Variants in MOB2 observed in about 807,000 individuals in gnomAD.
The protein encoded by MOB2 is MOB2 Mps One Binder homolog.
A neutral mutation model predicts 27.4 loss-of-function variants in MOB2; 14 were observed. The ratio of observed to expected loss-of-function variants is 0.51; its 90% CI spans 0.34 to 0.80. MOB2 has a LOEUF of 0.80. Among genes scored for constraint, MOB2 ranks in the 30% least tolerant of loss-of-function variants. The pLI is 0.01. For synonymous variants in MOB2, 167 were observed against 151.8 expected (o/e 1.10, Z -0.74); for missense variants, 304 against 354.6 (o/e 0.86, Z 1.15).
chr11:1,480,558 G>A (rs1157998063), intron 2 of MOB2, 72 bp from the exon 3 acceptor site: 1 of 1,560,280 alleles, frequency 6.4e-7, no homozygotes, highest in Non-Finnish European at 8.8e-7. Context: ...CCTGCTTCCA[G>A]CAACAGGTGC....
chr11:1,484,550 C>G (rs1847950861), intron 1 of MOB2, among the ~76,000 whole-genome samples: 1 of 152,112 alleles, frequency 6.6e-6, no homozygotes. Flanking sequence ...GGTACAGAGC[C>G]TGGGTCTCAG....
intron 4 of MOB2, 59 bp downstream of exon 4, chr11:1,471,236 G>A (rs1014580142): frequency 1.2e-5 from 19 of 1,560,080 alleles, no homozygotes; most frequent in Admixed American, 1.8e-5. Flanking sequence ...TTGCAGACAC[G>A]TCCTGAATGC....
intron 1 of MOB2, among the ~76,000 whole-genome samples, chr11:1,486,153 C>G (rs1315814693): frequency 6.6e-6 from 1 of 152,246 alleles, no homozygotes; most frequent in East Asian, 1.9e-4. Flanking sequence ...TCGAGGACAC[C>G]AAGACCCGCT....
chr11:1,480,760 C>A lies in MOB2; in HGVS notation c.236G>T (p.Arg79Leu), dbSNP rs369650668. 6.2e-7 allele frequency: 1 copy of A among 1,606,138 alleles called. No homozygotes were observed. The highest frequency in any genetic ancestry group is 8.5e-7 in the Non-Finnish European group (1 of 1,176,838). ...CAGCCACTCGTTAAGGTCAATCTCG[C>A]GGGGCAGCACCACCAGCTCCTTGAA... Reference protein sequence around the residue: ...FQFKELVVLPREIDLNEWLAS... With the variant: ...FQFKELVVLPLEIDLNEWLAS... Residue 79 changes from arginine (R) to leucine (L), a missense_variant, in exon 2 of 5, where the codon CGC becomes CTC. Coordinates refer to ENST00000329957, the MANE Select transcript of MOB2 (RefSeq NM_001172223.3).
intron 3 of MOB2, among the ~76,000 whole-genome samples, chr11:1,479,733 C>T (rs1847888802): frequency 6.6e-6 from 1 of 152,238 alleles, no homozygotes; most frequent in Non-Finnish European, 1.5e-5. Context: ...GCACTGACAA[C>T]AACGGGACAT....
intron 1 of MOB2, chr11:1,481,664 TG>T (rs1242885040): frequency 6.7e-6 from 1 of 149,868 alleles, no homozygotes; most frequent in Non-Finnish European, 1.5e-5. Context: ...CGCAGGCCTC[TG>T]GGGGCAGTGC....
Position 1,469,808 on chromosome 11 carries a change from C to T in MOB2, c.*364G>A, listed in dbSNP as rs768040168. On this transcript the variant is annotated 3_prime_UTR_variant, in exon 5 of 5. Transcript: ENST00000329957. ...GACCCAGGTCTGCAAATCACACCCT[C>T]CCCCCACGAGTTCCTCCTTTGAGGC... 7.7e-6 allele frequency: 4 copies of T among 521,452 alleles called. No homozygotes were observed. Among genetic ancestry groups the T allele is most frequent in the East Asian group, 1.0e-4 (2 of 19,896 alleles). 32.3% of individuals were successfully genotyped at this position (521,452 alleles called of 1,614,324 possible). A position where few individuals can be genotyped will look rare whatever the true frequency, so the allele number is the denominator to read the frequency against.
intron 4 of MOB2, 105 bp downstream of exon 4, chr11:1,471,190 G>A (rs566001123): frequency 3.1e-5 from 44 of 1,434,662 alleles, no homozygotes; most frequent in African/African-American, 2.4e-4. Flanking sequence ...GCCGCCCTCC[G>A]TGCCTCTGCC....
At position 1,480,696 on chromosome 11, in the gene MOB2, AGGGGGCCCGCCCCCAGGCCCCC is replaced by A. The variant is rs1847901734; in HGVS notation, c.271+7_271+28del. On this transcript the variant is annotated splice_region_variant and intron_variant, in intron 2 of 4. Coordinates refer to ENST00000329957, the MANE Select transcript of MOB2 (RefSeq NM_001172223.3). ...CTTCGAGGAGGAGCAGGGAGGAGGG[AGGGGGCCCGCCCCCAGGCCCCC>A]GCGCACTGTTGCTGGCCAGCCACTC... is the stretch of plus-strand genomic sequence containing the variant. 2 of 1,591,814 alleles carry A rather than the reference AGGGGGCCCGCCCCCAGGCCCCC, an allele frequency of 1.3e-6. No homozygotes were observed. Among genetic ancestry groups the A allele is most frequent in the African/African-American group, 2.7e-5 (2 of 74,628 alleles).
In MOB2 at chr11:1,480,867, A is replaced by G. The variant is rs10767696; in HGVS notation, c.129T>C (p.Pro43=). ...CCTCCGCAGCGGGCTTCTTGCCATT[A>G]GGCTTGGCTTTGGACTTCCTGCCAA... is the stretch of plus-strand genomic sequence containing the variant. ...SKVLRKSKAK[P]NGKKPAAEER... is the part of the protein sequence containing the mutation. Residue 43 remains proline (P), a synonymous_variant, in exon 2 of 5, where the codon CCT becomes CCC. Coordinates refer to ENST00000329957, the MANE Select transcript of MOB2 (RefSeq NM_001172223.3). 0.89 allele frequency: 1,393,314 copies of G among 1,559,104 alleles called. 623,321 individuals carry two copies. The highest frequency in any genetic ancestry group is 1 in the East Asian group (41,459 of 41,502).
chr11:1,480,224 C>T (rs931055949), intron 3 of MOB2, among the ~76,000 whole-genome samples, 169 bp downstream of exon 3: 16 of 152,240 alleles, frequency 1.1e-4, no homozygotes, highest in African/African-American at 3.9e-4. Context: ...ACTGGCCCAG[C>T]CTGTGGCCTT....
chr11:1,476,405 C>T (rs1305110296), intron 3 of MOB2, among the ~76,000 whole-genome samples: 1 of 152,190 alleles, frequency 6.6e-6, no homozygotes, highest in Non-Finnish European at 1.5e-5. Context: ...TCCAATACTT[C>T]CTTATTATCC....
intron 3 of MOB2, among the ~76,000 whole-genome samples, chr11:1,476,965 A>T (rs1280851201): frequency 6.6e-6 from 1 of 152,118 alleles, no homozygotes; most frequent in African/African-American, 2.4e-5. Flanking sequence ...TTGATTTTTT[A>T]AAATTTGTTA....
At position 1,473,859 on chromosome 11, in the gene MOB2, C is replaced by T. The variant is rs539518234; in HGVS notation, c.366-2440G>A. Among the ~76,000 whole-genome samples the T allele has an allele frequency of 2.6e-5, 4 of 152,352 alleles. No individual in the cohort carries two copies. In the South Asian group the frequency reaches 6.2e-4, roughly 24 times the overall value. On this transcript the variant is annotated intron_variant, in intron 3 of 4. Coordinates refer to ENST00000329957, the MANE Select transcript of MOB2 (RefSeq NM_001172223.3). ...CCCGTGCTGCTGTGCCCCCAGCACCCCGGGGATGGCTCCTCAGGGATGGGC... is the reference window on the plus strand; with the variant it reads ...CCCGTGCTGCTGTGCCCCCAGCACCTCGGGGATGGCTCCTCAGGGATGGGC...
chr11:1,469,980 A>T lies in MOB2; in HGVS notation c.*192T>A. 1.4e-6 allele frequency: 2 copies of T among 1,427,564 alleles called. No individual in the cohort carries two copies. Among genetic ancestry groups the T allele is most frequent in the Non-Finnish European group, 1.9e-6 (2 of 1,048,580 alleles). The allele number at this position is 1,427,564 out of a possible 1,614,324, so 88.4% of individuals were successfully genotyped here. On this transcript the variant is annotated 3_prime_UTR_variant, in exon 5 of 5. Coordinates refer to ENST00000329957, the MANE Select transcript of MOB2 (RefSeq NM_001172223.3). ...TCTTCTCTACAAACGGCACGCATCC[A>T]TCCGACAGGGGGCCACAGGACACGG...
Position 1,480,498 on chromosome 11 carries a change from GAGA to G in MOB2, c.272-15_272-13del. 3 of 1,613,284 alleles carry G rather than the reference GAGA, an allele frequency of 1.9e-6. No individual in the cohort carries two copies. The highest frequency in any genetic ancestry group is 2.5e-6 in the Non-Finnish European group (3 of 1,179,468). The stretch of plus-strand genomic sequence containing the variant: ...GAAAAACGTCGTGGCTGGAAGAGAA[GAGA>G]AGGAGCCAGATGTGAAAAACGCCAG... On this transcript the variant is annotated splice_polypyrimidine_tract_variant and intron_variant, in intron 2 of 4. Coordinates refer to ENST00000329957, the MANE Select transcript of MOB2 (RefSeq NM_001172223.3).
chr11:1,479,106 C>A (rs983816534), intron 3 of MOB2, among the ~76,000 whole-genome samples: 1 of 152,194 alleles, frequency 6.6e-6, no homozygotes, highest in Non-Finnish European at 1.5e-5. Context: ...TGCCCAACAC[C>A]ACATCCTACA....
In MOB2 at chr11:1,480,851, C is replaced by T. The variant is rs377048568; in HGVS notation, c.145G>A (p.Ala49Thr). ...AGGTAGGCCTTCCTCTCCTCCGCAG[C>T]GGGCTTCTTGCCATTAGGCTTGGCT... ...SKAKPNGKKP[A>T]AEERKAYLEP... The change falls in exon 2 of 5, where the codon GCT becomes ACT. Residue 49 changes from alanine (A) to threonine (T), a missense_variant. Coordinates refer to ENST00000329957, the MANE Select transcript of MOB2 (RefSeq NM_001172223.3). The T allele has an allele frequency of 2.0e-5, 32 of 1,566,996 alleles. No homozygotes were observed. The highest frequency in any genetic ancestry group is 1.3e-4 in the South Asian group (11 of 85,144).
At chr11:1,485,670 T>A (rs888109835) in intron 1 of MOB2, among the ~76,000 whole-genome samples, 1 of 151,398 alleles carries the variant, frequency 6.6e-6, no homozygotes, top group Non-Finnish European at 1.5e-5. Flanking sequence ...GAGGACACAC[T>A]CACTGCTGCA....
Sources: gnomAD v4.1 joint callset for allele counts (sites outside exome capture counted in the v4.1 genomes callset) on GRCh38, gnomAD v4.1.1 for gene constraint, MANE v1.5 for transcripts, NCBI Gene and HGNC (gene_info 2026-07-23, HGNC 2026-07-21) for gene names.